ACSL6: variants seen among roughly 807,000 people sequenced by gnomAD.
ACSL6 encodes long-chain-fatty-acid--CoA ligase 6.
ACSL6 carries 47 observed loss-of-function variants against 98.2 expected under a neutral mutation model. The observed-to-expected ratio is 0.48, with a 90% CI of 0.38 to 0.61. The LOEUF (loss-of-function observed/expected upper bound fraction) is 0.61. Among genes scored for constraint, ACSL6 ranks in the 20% least tolerant of loss-of-function variants. The pLI is 0.00. For missense variants in ACSL6, 761 were observed against 913.4 expected (o/e 0.83, Z 2.15); for synonymous variants, 362 against 336.9 (o/e 1.07, Z -0.82).
At chr5:131,973,845 T>G (rs1199954568) in intron 11 of ACSL6, 8 of 156,994 alleles carry the variant, frequency 5.1e-5, no homozygotes, top group African/African-American at 1.7e-4. Flanking sequence ...GTACTGGAGA[T>G]GCTGCTGAAG....
intron 2 of ACSL6, 155 bp downstream of exon 2, chr5:131,993,876 C>T: frequency 1.3e-6 from 1 of 742,212 alleles, no homozygotes; most frequent in Non-Finnish European, 2.2e-6. Flanking sequence ...GAGACCCTGC[C>T]CAAGGCTGCT....
chr5:131,977,467 T>A (rs1007349113), intron 9 of ACSL6, among the ~76,000 whole-genome samples: 11 of 152,150 alleles, frequency 7.2e-5, no homozygotes, highest in Non-Finnish European at 1.5e-4. Context: ...GCCGGACAGA[T>A]CTGACAGGGC....
At chr5:131,981,175 C>A (rs1489435973) in intron 9 of ACSL6, among the ~76,000 whole-genome samples, 1 of 152,054 alleles carries the variant, frequency 6.6e-6, no homozygotes, top group Non-Finnish European at 1.5e-5. Flanking sequence ...GCTTGAGCAT[C>A]CTCTTCCTTT....
chr5:131,988,373 G>T, intron 6 of ACSL6, 147 bp from the exon 7 acceptor site: 1 of 1,276,018 alleles, frequency 7.8e-7, no homozygotes. Flanking sequence ...GACAGGCCTC[G>T]TGTACAGAGG....
At position 131,959,580 on chromosome 5, in the gene ACSL6, T is replaced by C. The variant is rs529514683; in HGVS notation, c.1987A>G (p.Met663Val). The change falls in exon 20 of 21, where the codon ATG becomes GTG. Residue 663 changes from methionine to valine, a missense_variant. Physicochemically the swap from Met to Val is conservative, Grantham distance 21. Coordinates refer to ENST00000651883, the MANE Select transcript of ACSL6 (RefSeq NM_001009185.3). ...KDLKKAILED[M>V]VRLGKESGLH... ...CCACTTTCTTTTCCTAACCTCACCA[T>C]ATCTTCCAAAATGGCTTTCTTCAGA... The C allele has an allele frequency of 3.7e-6, 6 of 1,614,236 alleles. No individual in the cohort carries two copies. The highest frequency in any genetic ancestry group is 5.1e-6 in the Non-Finnish European group (6 of 1,180,034).
intron 13 of ACSL6, 123 bp downstream of exon 13, chr5:131,972,601 T>A: frequency 8.4e-7 from 1 of 1,191,000 alleles, no homozygotes; most frequent in Non-Finnish European, 1.2e-6. Flanking sequence ...TTTGATTTCA[T>A]GAGCAAATGA....
At chr5:131,991,296 TACAC>T (rs935885256) in intron 2 of ACSL6, among the ~76,000 whole-genome samples, 46 of 152,310 alleles carry the variant, frequency 3.0e-4, no homozygotes, top group African/African-American at 1.1e-3. Context: ...TTAATGTTCG[TACAC>T]ACCCATGTCT....
intron 9 of ACSL6, among the ~76,000 whole-genome samples, chr5:131,977,224 C>T (rs1340220788): frequency 2.0e-5 from 3 of 152,190 alleles, no homozygotes; most frequent in African/African-American, 7.2e-5. Context: ...GGCTGGGCAG[C>T]CCTTCCTGCC....
Position 132,011,621 on chromosome 5 carries a change from C to A in ACSL6, c.-68G>T. 2 of 1,269,722 alleles carry A rather than the reference C, an allele frequency of 1.6e-6. No homozygotes were observed. Among genetic ancestry groups the A allele is most frequent in the Non-Finnish European group, 9.9e-7 (1 of 1,005,822 alleles). The allele number at this position is 1,269,722 out of a possible 1,614,324, so 78.7% of individuals were successfully genotyped here. On this transcript the variant is annotated 5_prime_UTR_variant, in exon 1 of 21. Coordinates refer to ENST00000651883, the MANE Select transcript of ACSL6 (RefSeq NM_001009185.3). This position sits in a 1 kb window ranked among gnomAD's most constrained non-coding sequence, Gnocchi z 5.4. ...ACCCGCAGCCCCGCAGCCCCGCAGC[C>A]CAGCAGCCCCAGCAGTAGCCGCGCC...
At chr5:131,987,423 C>A (rs1482014842) in intron 7 of ACSL6, among the ~76,000 whole-genome samples, 2 of 152,092 alleles carry the variant, frequency 1.3e-5, no homozygotes, top group Non-Finnish European at 2.9e-5. Context: ...GGGAGGGGTA[C>A]AATGCATAGG....
At position 131,968,017 on chromosome 5, in the gene ACSL6, C is replaced by T; in HGVS notation, c.1519G>A (p.Ala507Thr). The T allele has an allele frequency of 1.2e-6, 2 of 1,613,792 alleles. No individual in the cohort carries two copies. The highest frequency in any genetic ancestry group is 2.2e-5 in the South Asian group (2 of 91,008). ...TTGATATGATTGCAGGGAAGTGGCG[C>T]CCCTACGTGCCCTGGAACACCGGAG... ...PGDWTSGHVG[A>T]PLPCNHIKLV... The change falls in exon 16 of 21, where the codon GCG becomes ACG. Residue 507 changes from alanine to threonine, a missense_variant. By Grantham distance (58) the Ala-to-Thr change is moderately conservative (BLOSUM62 0). Coordinates refer to ENST00000651883, the MANE Select transcript of ACSL6 (RefSeq NM_001009185.3).
At chr5:131,981,259 C>G (rs1162830070) in intron 9 of ACSL6, among the ~76,000 whole-genome samples, 2 of 151,666 alleles carry the variant, frequency 1.3e-5, no homozygotes, top group Non-Finnish European at 2.9e-5. Context: ...CAAACCTCCC[C>G]CAAAGCCCTT....
intron 10 of ACSL6, 48 bp from the exon 11 acceptor site, chr5:131,975,018 GA>G: frequency 6.3e-7 from 1 of 1,596,106 alleles, no homozygotes; most frequent in Non-Finnish European, 8.6e-7. Flanking sequence ...ACACTGACAG[GA>G]AGACGACAAG....
In ACSL6 at chr5:131,991,007, G is replaced by C. The variant is rs376967556; in HGVS notation, c.271-40C>G. The C allele has an allele frequency of 3.2e-6, 5 of 1,587,002 alleles. No homozygotes were observed. In the African/African-American group the frequency reaches 5.4e-5, roughly 17 times the overall value. On this transcript the variant is annotated intron_variant, in intron 2 of 20. Transcript: ENST00000651883. ...CCGGCCAGAGAAGTTGGCTGAGGCA[G>C]GTAGGGGTGCCAGGAGAGGGCCGCA...
chr5:131,994,379 A>G, intron 1 of ACSL6, 128 bp from the exon 2 acceptor site: 2 of 781,912 alleles, frequency 2.6e-6, no homozygotes, highest in Non-Finnish European at 4.1e-6. Flanking sequence ...TGGGATGTAC[A>G]GAGTGCACCC....
intron 9 of ACSL6, chr5:131,982,838 G>A (rs545581350): frequency 1.3e-5 from 2 of 152,292 alleles, no homozygotes; most frequent in South Asian, 4.1e-4. Flanking sequence ...ATGCACCAGG[G>A]ATGCAGACCT....
chr5:131,967,071 A>C (rs1753050821), intron 16 of ACSL6, among the ~76,000 whole-genome samples: 1 of 152,190 alleles, frequency 6.6e-6, no homozygotes, highest in African/African-American at 2.4e-5. Context: ...GGGGCTGGGC[A>C]TGATGGCTAG....
Position 131,953,739 on chromosome 5 carries a change from A to T in ACSL6, c.*495T>A. 5.1e-6 allele frequency: 1 copy of T among 194,360 alleles called. No homozygotes were observed. The allele number at this position is 194,360 out of a possible 1,614,324, so 12.0% of individuals were successfully genotyped here. ...TCTGAAGTTACGTAGACTATGAGTTATCATGTTTTCTTTTAGCATGATTCT... is the reference window on the plus strand; with the variant it reads ...TCTGAAGTTACGTAGACTATGAGTTTTCATGTTTTCTTTTAGCATGATTCT... On this transcript the variant is annotated 3_prime_UTR_variant, in exon 21 of 21. Coordinates refer to ENST00000651883, the MANE Select transcript of ACSL6 (RefSeq NM_001009185.3).
intron 1 of ACSL6, among the ~76,000 whole-genome samples, chr5:132,005,838 C>T (rs1380846521): frequency 6.6e-6 from 1 of 152,170 alleles, no homozygotes; most frequent in African/African-American, 2.4e-5. Flanking sequence ...GAGGCGGGGT[C>T]CCAGGCACTG....
Sources: gnomAD v4.1 joint callset for allele counts (sites outside exome capture counted in the v4.1 genomes callset) on GRCh38, gnomAD v4.1.1 for gene constraint, Gnocchi (gnomAD v3.1) non-coding constraint, MANE v1.5 for transcripts, NCBI Gene and HGNC (gene_info 2026-07-23, HGNC 2026-07-21) for gene names.